Variants in VTI1A observed in about 807,000 individuals in gnomAD.
VTI1A encodes the protein vesicle transport through interaction with t-SNAREs 1A, also known as vesicle transport through interaction with t-SNAREs homolog 1A.
Under a neutral mutation model 34.9 loss-of-function variants are expected in VTI1A, and 22 were observed. The observed-to-expected ratio is 0.63, with a 90% CI of 0.45 to 0.90. The LOEUF is 0.90. Ranked by LOEUF, VTI1A falls within the 40% of genes least tolerant of loss-of-function variation. VTI1A has a pLI of 0.00. For synonymous variants in VTI1A, 87 were observed against 97.3 expected (o/e 0.89, Z 0.62); for missense variants, 268 against 275.6 (o/e 0.97, Z 0.20).
chr10:112,705,480 G>A (rs1849162543), intron 7 of VTI1A, among the ~76,000 whole-genome samples: 1 of 151,998 alleles, frequency 6.6e-6, no homozygotes, highest in Non-Finnish European at 1.5e-5. Flanking sequence ...TGTCCCAGAA[G>A]AACCAAAGGC....
At chr10:112,469,373 A>G (rs769706916) in intron 3 of VTI1A, among the ~76,000 whole-genome samples, 1 of 152,162 alleles carries the variant, frequency 6.6e-6, no homozygotes, top group Non-Finnish European at 1.5e-5. Flanking sequence ...CTGTTCATGT[A>G]CTATGGCTCC....
intron 7 of VTI1A, among the ~76,000 whole-genome samples, chr10:112,797,884 A>G (rs1229996928): frequency 2.0e-5 from 3 of 152,260 alleles, no homozygotes; most frequent in African/African-American, 7.2e-5. Flanking sequence ...GGTGGCCCAC[A>G]GATTTCTCTC....
chr10:112,564,252 GC>G (rs1352482673), intron 5 of VTI1A, among the ~76,000 whole-genome samples: 2 of 151,912 alleles, frequency 1.3e-5, no homozygotes, highest in Admixed American at 1.3e-4. Flanking sequence ...CATCGGAGTG[GC>G]TTTTGTTTTA....
chr10:112,594,153 C>T (rs12257397), intron 5 of VTI1A, among the ~76,000 whole-genome samples: 13,856 of 152,138 alleles, frequency 0.091, 706 homozygotes, highest in Non-Finnish European at 0.11. Flanking sequence ...CCTTGTGATC[C>T]GCCTCGGCCT....
chr10:112,511,154 ACT>A (rs1849592873), intron 3 of VTI1A, among the ~76,000 whole-genome samples: 3 of 151,280 alleles, frequency 2.0e-5, no homozygotes, highest in South Asian at 4.2e-4. Flanking sequence ...AAGAACATAC[ACT>A]CTCTACCGGG....
chr10:112,748,320 C>T (rs1039360554), intron 7 of VTI1A, among the ~76,000 whole-genome samples: 3 of 152,074 alleles, frequency 2.0e-5, no homozygotes, highest in African/African-American at 7.2e-5. Context: ...AGAGGCTTTG[C>T]CCATTTTTCT....
chr10:112,508,734 G>A (rs1458168346), intron 3 of VTI1A, among the ~76,000 whole-genome samples: 3 of 152,180 alleles, frequency 2.0e-5, no homozygotes, highest in Non-Finnish European at 4.4e-5. Flanking sequence ...TGATAATGAA[G>A]TGCGTTATCT....
At position 112,549,226 on chromosome 10, in the gene VTI1A, A is replaced by G. The variant is rs564790969; in HGVS notation, c.427+10896A>G. Reference sequence around the variant, plus strand: ...AAGAATAAATTTCTGATTCTGTCCTATTGGTGAAAGTGGTATAAGATTATA... The same window carrying G: ...AAGAATAAATTTCTGATTCTGTCCTGTTGGTGAAAGTGGTATAAGATTATA... On this transcript the variant is annotated intron_variant, in intron 5 of 7. Coordinates refer to ENST00000393077, the MANE Select transcript of VTI1A (RefSeq NM_145206.4). 5.9e-4 allele frequency among the ~76,000 whole-genome samples: 90 copies of G among 152,178 alleles called. 1 individual carries two copies. The highest frequency in any genetic ancestry group is 2.2e-3 in the African/African-American group (90 of 41,568).
At chr10:112,452,832 C>T (rs1335097190) in intron 1 of VTI1A, among the ~76,000 whole-genome samples, 6 of 151,658 alleles carry the variant, frequency 4.0e-5, no homozygotes, top group African/African-American at 1.5e-4. Context: ...ATACCCCATG[C>T]CCAGTTTTCT....
At chr10:112,689,211 C>T (rs939821951) in intron 7 of VTI1A, among the ~76,000 whole-genome samples, 1 of 152,114 alleles carries the variant, frequency 6.6e-6, no homozygotes, top group Admixed American at 6.5e-5. Context: ...CAGAAATAGC[C>T]CCACTTTTCC....
chr10:112,751,590 T>C (rs1050209488), intron 7 of VTI1A, among the ~76,000 whole-genome samples: 1 of 151,976 alleles, frequency 6.6e-6, no homozygotes, highest in African/African-American at 2.4e-5. Context: ...ATATCATCCA[T>C]TTCTTCTAAA....
At chr10:112,596,953 A>G (rs1347746303) in intron 5 of VTI1A, among the ~76,000 whole-genome samples, 1 of 152,158 alleles carries the variant, frequency 6.6e-6, no homozygotes, top group Non-Finnish European at 1.5e-5. Flanking sequence ...ATACAGTCAA[A>G]TCTTTCTTTT....
intron 5 of VTI1A, among the ~76,000 whole-genome samples, chr10:112,612,346 C>A (rs1056389555): frequency 3.3e-5 from 5 of 152,088 alleles, no homozygotes; most frequent in African/African-American, 1.2e-4. Context: ...ATTTGGATAA[C>A]CTAGAGTGAT....
chr10:112,490,080 T>TA (rs1296447418), intron 3 of VTI1A, among the ~76,000 whole-genome samples: 1 of 152,242 alleles, frequency 6.6e-6, no homozygotes, highest in African/African-American at 2.4e-5. Context: ...GACTTGTTTT[T>TA]ATTTATTAAT....
chr10:112,653,959 A>G (rs528404113), intron 5 of VTI1A, among the ~76,000 whole-genome samples: 8 of 152,314 alleles, frequency 5.3e-5, no homozygotes, highest in East Asian at 3.9e-4. Context: ...TCTTCTTACA[A>G]TTATGCTAAT....
At chr10:112,511,865 A>G (rs568958579) in intron 3 of VTI1A, among the ~76,000 whole-genome samples, 2 of 152,292 alleles carry the variant, frequency 1.3e-5, no homozygotes, top group African/African-American at 4.8e-5. Flanking sequence ...AACCACCTCC[A>G]GTTCCATCCT....
At chr10:112,634,795 A>G (rs886281054) in intron 5 of VTI1A, among the ~76,000 whole-genome samples, 1 of 152,092 alleles carries the variant, frequency 6.6e-6, no homozygotes, top group Non-Finnish European at 1.5e-5. Context: ...TATATCTGCC[A>G]TGTTCTAAAA....
At chr10:112,613,312 T>G (rs1845390334) in intron 5 of VTI1A, among the ~76,000 whole-genome samples, 1 of 152,220 alleles carries the variant, frequency 6.6e-6, no homozygotes, top group Non-Finnish European at 1.5e-5. Flanking sequence ...CGTTTGTCTT[T>G]TCACACTTTG....
chr10:112,663,747 T>A (rs1847546022), intron 5 of VTI1A, among the ~76,000 whole-genome samples: 1 of 152,186 alleles, frequency 6.6e-6, no homozygotes, highest in Non-Finnish European at 1.5e-5. Context: ...CTGAGAAAGC[T>A]GTGTGTCAAT....
Sources: allele counts gnomAD v4.1 joint callset (sites outside exome capture counted in the v4.1 genomes callset), GRCh38; gene constraint gnomAD v4.1.1; transcripts MANE v1.5; gene names NCBI Gene and HGNC (gene_info 2026-07-23, HGNC 2026-07-21).